The following SMG5 variants were observed in gnomAD, a reference collection of about 807,000 sequenced individuals.
The protein encoded by SMG5 is SMG5 nonsense mediated mRNA decay factor.
A neutral mutation model predicts 122.9 loss-of-function variants in SMG5; 53 were observed. The observed-to-expected ratio is 0.43, with a 90% CI of 0.35 to 0.54. The LOEUF (loss-of-function observed/expected upper bound fraction) is 0.54. Among genes scored for constraint, SMG5 ranks in the 20% least tolerant of loss-of-function variants. The pLI, the probability that SMG5 is intolerant of heterozygous loss-of-function variation, is 0.01. For synonymous variants in SMG5, 477 were observed against 490.2 expected (o/e 0.97, Z 0.35); for missense variants, 1,153 against 1,285.6 (o/e 0.90, Z 1.58).
chr1:156,266,656 G>A lies in SMG5; in HGVS notation c.1140C>T (p.Ala380=). 6.2e-7 allele frequency: 1 copy of A among 1,614,234 alleles called. No individual in the cohort carries two copies. Among genetic ancestry groups the A allele is most frequent in the African/African-American group, 1.3e-5 (1 of 75,060 alleles). Residue 380 remains alanine (A), a synonymous_variant, in exon 11 of 22, where the codon GCC becomes GCT. Transcript: ENST00000361813. Reference sequence around the variant, plus strand: ...AAAAGAGGGCCAGGGTGAAGGCAATGGCTGCACTGTACTGCTTGGATCCTG... The same window carrying A: ...AAAAGAGGGCCAGGGTGAAGGCAATAGCTGCACTGTACTGCTTGGATCCTG... ...ERAGSKQYSA[A]IAFTLALFSH...
intron 10 of SMG5, 149 bp downstream of exon 10, chr1:156,267,321 C>T (rs779195564): frequency 4.2e-6 from 3 of 721,546 alleles, no homozygotes; most frequent in Non-Finnish European, 4.6e-6. Context: ...GGTAGGATCC[C>T]TTGGCCCTTA....
rs1275158950 is a variant in SMG5 at position 156,249,426 on chromosome 1, C to T, written c.*1161G>A. 4 of 311,786 alleles carry T rather than the reference C, an allele frequency of 1.3e-5. No homozygotes were observed. Among genetic ancestry groups the T allele is most frequent in the Non-Finnish European group, 2.5e-5 (4 of 158,864 alleles). 19.3% of individuals were successfully genotyped at this position (311,786 alleles called of 1,614,324 possible). ...GCAGCAGAGCTGAGACCCTCCACCC[C>T]GAGCCCCTAGCCTGTGCTATCCTCC... On this transcript the variant is annotated 3_prime_UTR_variant, in exon 22 of 22. Transcript: ENST00000361813.
At chr1:156,267,829 A>G in intron 9 of SMG5, 151 bp from the exon 10 acceptor site, 1 of 749,462 alleles carries the variant, frequency 1.3e-6, no homozygotes. Flanking sequence ...ATTGATCTCC[A>G]TAGCAACTAA....
intron 12 of SMG5, 45 bp from the exon 13 acceptor site, chr1:156,263,615 C>T: frequency 6.3e-7 from 1 of 1,594,070 alleles, no homozygotes. Flanking sequence ...GGATAAACAA[C>T]TGACACTTGG....
chr1:156,250,622 G>C lies in SMG5; in HGVS notation c.3016C>G (p.Leu1006Val), dbSNP rs1661304020. The change falls in exon 22 of 22, where the codon CTG becomes GTG. Residue 1006 changes from leucine to valine, a missense_variant. By Grantham distance (32) the Leu-to-Val change is conservative (BLOSUM62 1). Coordinates refer to ENST00000361813, the MANE Select transcript of SMG5 (RefSeq NM_015327.3). ...AHASVDIKNV[L>V]DFYKQWKEIG ...TCCTTCCACTGCTTGTAGAAGTCCA[G>C]AACATTCTTGATGTCCACACTGGCG... The C allele has an allele frequency of 6.2e-7, 1 of 1,614,202 alleles. No individual in the cohort carries two copies. The highest frequency in any genetic ancestry group is 2.2e-5 in the East Asian group (1 of 44,876).
Position 156,266,314 on chromosome 1 carries a change from G to A in SMG5, c.1322C>T (p.Thr441Ile). 1 of 1,614,182 alleles carries A rather than the reference G, an allele frequency of 6.2e-7. No homozygotes were observed. Among genetic ancestry groups the A allele is most frequent in the South Asian group, 1.1e-5 (1 of 91,084 alleles). Residue 441 changes from threonine to isoleucine, a missense_variant, in exon 12 of 22, where the codon ACA becomes ATA. Thr to Ile is a moderately conservative substitution (Grantham distance 89, BLOSUM62 -1). Transcript: ENST00000361813. ...EEPDPEPPPV[T>I]PQVGEGRKSR... Reference sequence around the variant, plus strand: ...CTTTCTGCCCTCACCCACTTGGGGTGTTACAGGAGGAGGCTCAGGATCTGG... The same window carrying A: ...CTTTCTGCCCTCACCCACTTGGGGTATTACAGGAGGAGGCTCAGGATCTGG...
chr1:156,254,165 A>T (rs1156479922), intron 16 of SMG5, among the ~76,000 whole-genome samples: 1 of 152,068 alleles, frequency 6.6e-6, no homozygotes. Context: ...TTCCACCTCC[A>T]CTGTGAAACC....
intron 12 of SMG5, among the ~76,000 whole-genome samples, chr1:156,263,830 T>C (rs977754862): frequency 4.6e-5 from 7 of 152,228 alleles, no homozygotes; most frequent in Admixed American, 1.3e-4. Flanking sequence ...ATATGATTCT[T>C]ATAGACTCAA....
Position 156,253,505 on chromosome 1 carries a change from G to T in SMG5, c.2446C>A (p.Gln816Lys), listed in dbSNP as rs368623768. The T allele has an allele frequency of 6.2e-7, 1 of 1,614,026 alleles. No individual in the cohort carries two copies. The highest frequency in any genetic ancestry group is 8.5e-7 in the Non-Finnish European group (1 of 1,179,936). ...QQAQAQFRMA[Q>K]EEARRNRLMR... ...AGCCTGTTCCGACGAGCTTCCTCCT[G>T]TGCCTATGAGGGAAAAAATGAGCTG... is the stretch of plus-strand genomic sequence containing the variant. The change falls in exon 17 of 22, where the codon CAG (glutamine) becomes AAG (lysine). Residue 816 changes from glutamine to lysine, a missense_variant. Around this residue, in one of 5 missense-constraint regions of SMG5, gnomAD observed 140 missense variants for 227.8 expected, o/e 0.61. Transcript: ENST00000361813.
intron 14 of SMG5, 68 bp from the exon 15 acceptor site, chr1:156,260,694 TTCCC>T: frequency 7.3e-7 from 1 of 1,368,218 alleles, no homozygotes; most frequent in Non-Finnish European, 9.6e-7. Context: ...GACATAACCC[TTCCC>T]TTTGGGAATT....
chr1:156,251,578 G>A (rs1022335037), intron 19 of SMG5, 101 bp from the exon 20 acceptor site: 170 of 1,180,238 alleles, frequency 1.4e-4, no homozygotes, highest in Non-Finnish European at 1.8e-4. Context: ...TTTTGCAGGC[G>A]GGGCTGGGGA....
intron 16 of SMG5, among the ~76,000 whole-genome samples, chr1:156,258,630 T>C (rs1209819727): frequency 6.6e-6 from 1 of 152,122 alleles, no homozygotes; most frequent in Non-Finnish European, 1.5e-5. Context: ...ACCCTGTCTC[T>C]ACTAAAAATA....
upstream of SMG5, among the ~76,000 whole-genome samples, chr1:156,287,414 TCAAA>T (rs1455339787): frequency 6.6e-6 from 1 of 152,048 alleles, no homozygotes; most frequent in Non-Finnish European, 1.5e-5. Context: ...AGACTCCGTC[TCAAA>T]CAAATAAATA....
Position 156,250,666 on chromosome 1 carries a change from G to A in SMG5, c.2972C>T (p.Ala991Val). Reference sequence around the variant, plus strand: ...ACTGGCGTGGGCAGCGGCCTGCAGGGCTGCCTGTGGAATGGGAGAAGGAAA... The same window carrying A: ...ACTGGCGTGGGCAGCGGCCTGCAGGACTGCCTGTGGAATGGGAGAAGGAAA... The part of the protein sequence containing the change: ...PSVLSGPMQA[A>V]LQAAAHASVD... Residue 991 changes from alanine (A) to valine (V), a missense_variant, in exon 22 of 22, where the codon GCC (alanine) becomes GTC (valine). Transcript: ENST00000361813. 1.2e-6 allele frequency: 2 copies of A among 1,614,088 alleles called. No individual in the cohort carries two copies. Among genetic ancestry groups the A allele is most frequent in the South Asian group, 1.1e-5 (1 of 91,082 alleles).
chr1:156,277,017 C>G (rs759695286), intron 4 of SMG5, 68 bp downstream of exon 4: 34 of 1,536,280 alleles, frequency 2.2e-5, no homozygotes, highest in Non-Finnish European at 2.8e-5. Context: ...CTACATGAAC[C>G]CTGAGGGATA....
At chr1:156,251,941 A>G (rs1391437139) in intron 19 of SMG5, among the ~76,000 whole-genome samples, 1 of 152,220 alleles carries the variant, frequency 6.6e-6, no homozygotes, top group African/African-American at 2.4e-5. Flanking sequence ...ACATGCTGCC[A>G]GCTGCCCCTC....
At chr1:156,266,828 A>G in intron 10 of SMG5, 150 bp from the exon 11 acceptor site, 1 of 1,070,648 alleles carries the variant, frequency 9.3e-7, no homozygotes, top group Non-Finnish European at 1.3e-6. Flanking sequence ...AACTTTTTAG[A>G]GACAAGAGTC....
At chr1:156,254,330 T>A (rs1322493534) in intron 16 of SMG5, among the ~76,000 whole-genome samples, 1 of 152,244 alleles carries the variant, frequency 6.6e-6, no homozygotes, top group Admixed American at 6.5e-5. Context: ...TTCTGATGCC[T>A]TTCCTCTGTA....
In SMG5 at chr1:156,259,057, G is replaced by A. The variant is rs923969497; in HGVS notation, c.2390C>T (p.Ala797Val). The change falls in exon 16 of 22, where the codon GCC becomes GTC. Residue 797 changes from alanine (A) to valine (V), a missense_variant. Coordinates refer to ENST00000361813, the MANE Select transcript of SMG5 (RefSeq NM_015327.3). ...NPEVGIFVSI[A>V]QSEQESLLQQ... ...CAGCAGGCTCTCCTGCTCAGACTGG[G>A]CAATGCTGACGAAGATGCCAACCTC... The A allele has an allele frequency of 1.7e-5, 28 of 1,613,286 alleles. No homozygotes were observed. The highest frequency in any genetic ancestry group is 2.3e-5 in the Non-Finnish European group (27 of 1,179,726).
Sources: gnomAD v4.1 joint callset for allele counts (sites outside exome capture counted in the v4.1 genomes callset) on GRCh38, gnomAD v4.1.1 for gene constraint, gnomAD v4.1.1 regional missense constraint, MANE v1.5 for transcripts, NCBI Gene and HGNC (gene_info 2026-07-23, HGNC 2026-07-21) for gene names.